Variants in SLC36A1 observed in about 807,000 individuals in gnomAD.
SLC36A1 encodes the protein proton-coupled amino acid transporter 1.
In SLC36A1, 30 loss-of-function variants were observed where a neutral mutation model predicts 47.5. The ratio of observed to expected loss-of-function variants is 0.63; its 90% CI spans 0.47 to 0.86. The LOEUF (loss-of-function observed/expected upper bound fraction) is 0.86. SLC36A1 is among the 40% of genes least tolerant of loss of function. The probability of loss-of-function intolerance (pLI) is 0.00; values close to 1 mark genes in which losing one functional copy is unlikely to be tolerated. For missense variants in SLC36A1, 517 were observed against 606.0 expected (o/e 0.85, Z 1.54); for synonymous variants, 255 against 249.7 (o/e 1.02, Z -0.20).
At chr5:151,459,010 C>T in intron 2 of SLC36A1, 75 bp downstream of exon 2, 1 of 1,471,400 alleles carries the variant, frequency 6.8e-7, no homozygotes, top group Non-Finnish European at 9.2e-7. Flanking sequence ...ATTTTTCCCC[C>T]CAATTTCATC....
chr5:151,547,061 T>C, the SLC36A1 span, among the ~76,000 whole-genome samples: 40 of 152,326 alleles, frequency 2.6e-4, no homozygotes, highest in East Asian at 7.7e-3. Context: ...TTAATTGATG[T>C]TTTCCTTTAA....
chr5:151,531,648 C>G, the SLC36A1 span: 1 of 1,613,652 alleles, frequency 6.2e-7, no homozygotes, highest in African/African-American at 1.3e-5. This position sits in a 1 kb window ranked among gnomAD's most constrained non-coding sequence, Gnocchi z 5.7. Flanking sequence ...GGTAGCCGGT[C>G]TTCTCTGCGC....
chr5:151,549,562 G>A, the SLC36A1 span: 3 of 1,499,636 alleles, frequency 2.0e-6, no homozygotes, highest in East Asian at 2.3e-5. Flanking sequence ...AGGAGGCAGG[G>A]TTAGGGTAAG....
chr5:151,374,664 G>A, the SLC36A1 span, among the ~76,000 whole-genome samples: 255 of 152,264 alleles, frequency 1.7e-3, 2 homozygotes, highest in African/African-American at 5.9e-3. Context: ...CATAGAGGCT[G>A]TAGTAATTTA....
the SLC36A1 span, among the ~76,000 whole-genome samples, chr5:151,398,158 C>T: frequency 3.3e-5 from 5 of 152,116 alleles, no homozygotes; most frequent in Non-Finnish European, 5.9e-5. Flanking sequence ...GATTAACTGA[C>T]GCAGCAACCA....
At chr5:151,379,344 T>C in the SLC36A1 span, among the ~76,000 whole-genome samples, 8 of 152,238 alleles carry the variant, frequency 5.3e-5, no homozygotes, top group East Asian at 1.9e-4. Flanking sequence ...TATTGATTTA[T>C]TTATTTGAGA....
chr5:151,514,509 T>G, the SLC36A1 span, among the ~76,000 whole-genome samples: 1 of 152,220 alleles, frequency 6.6e-6, no homozygotes, highest in East Asian at 1.9e-4. Flanking sequence ...TATACAGACA[T>G]GGAGCAGAAC....
At chr5:151,438,853 G>A (rs1759935604) in intron 1 of SLC36A1, among the ~76,000 whole-genome samples, 1 of 152,144 alleles carries the variant, frequency 6.6e-6, no homozygotes, top group African/African-American at 2.4e-5. Context: ...CAGAGTGCAT[G>A]CATCTATTAC....
chr5:151,439,841 C>CCCT lies in SLC36A1; in HGVS notation c.-6+2666_-6+2668dup, dbSNP rs1752518721. ...GTGCTAATTTACTTTATAGGAGACA[C>CCCT]CCTCCTAAGGCACCAGCATGTCATA... On this transcript the variant is annotated intron_variant, in intron 1 of 8. Transcript: ENST00000429484. 3.9e-5 allele frequency among the ~76,000 whole-genome samples: 6 copies of CCCT among 152,224 alleles called. No individual in the cohort carries two copies. In the South Asian group the frequency reaches 1.2e-3, roughly 32 times the overall value.
chr5:151,368,302 AAGC>A, the SLC36A1 span, among the ~76,000 whole-genome samples: 338 of 152,368 alleles, frequency 2.2e-3, no homozygotes, highest in African/African-American at 7.7e-3. Context: ...TGGCGCTTAT[AAGC>A]CTCTGCTTAA....
the SLC36A1 span, chr5:151,526,077 T>C: frequency 2.0e-6 from 2 of 1,012,484 alleles, no homozygotes; most frequent in Non-Finnish European, 3.0e-6. Flanking sequence ...TGACTGCTTG[T>C]AGATGGTGCC....
chr5:151,461,745 G>A (rs73272003), intron 2 of SLC36A1, among the ~76,000 whole-genome samples: 3,500 of 152,086 alleles, frequency 0.023, 141 homozygotes, highest in African/African-American at 0.079. Context: ...CCACACATGC[G>A]CAAAGAAAAA....
At chr5:151,383,280 C>T in the SLC36A1 span, among the ~76,000 whole-genome samples, 2 of 152,092 alleles carry the variant, frequency 1.3e-5, no homozygotes, top group Admixed American at 6.6e-5. Flanking sequence ...AGGATAGCAA[C>T]GACAGCAGAT....
At chr5:151,449,423 G>C (rs1045964223) in intron 1 of SLC36A1, among the ~76,000 whole-genome samples, 6 of 152,222 alleles carry the variant, frequency 3.9e-5, no homozygotes, top group East Asian at 1.9e-4. Flanking sequence ...TGGAGGCTAC[G>C]TGCAGCAGAG....
the SLC36A1 span, among the ~76,000 whole-genome samples, chr5:151,516,701 CTGA>C: frequency 5.9e-5 from 9 of 152,206 alleles, no homozygotes; most frequent in African/African-American, 2.2e-4. Flanking sequence ...GTCTTTTTCA[CTGA>C]TGAGACCCAA....
At chr5:151,517,855 C>A in the SLC36A1 span, 1 of 1,466,430 alleles carries the variant, frequency 6.8e-7, no homozygotes, top group Non-Finnish European at 9.4e-7. Context: ...CCTTGGGTGG[C>A]AGACAGAATC....
chr5:151,554,439 C>G, the SLC36A1 span: 1 of 1,614,202 alleles, frequency 6.2e-7, no homozygotes, highest in Non-Finnish European at 8.5e-7. Context: ...ATACTGAAGG[C>G]CTCCTCATCG....
At chr5:151,377,767 T>C in the SLC36A1 span, among the ~76,000 whole-genome samples, 1 of 152,236 alleles carries the variant, frequency 6.6e-6, no homozygotes, top group African/African-American at 2.4e-5. Context: ...CACCATTATG[T>C]AATTATTTTC....
intron 1 of SLC36A1, among the ~76,000 whole-genome samples, chr5:151,455,767 C>T (rs1458907366): frequency 6.6e-6 from 1 of 152,176 alleles, no homozygotes; most frequent in Non-Finnish European, 1.5e-5. Flanking sequence ...GGAGTGCGTC[C>T]TTCGGCCTTT....
Sources: gnomAD v4.1 joint callset for allele counts (sites outside exome capture counted in the v4.1 genomes callset) on GRCh38, gnomAD v4.1.1 for gene constraint, Gnocchi (gnomAD v3.1) non-coding constraint, MANE v1.5 for transcripts, NCBI Gene and HGNC (gene_info 2026-07-23, HGNC 2026-07-21) for gene names.